The following CEP164 variants were observed in gnomAD, a reference collection of about 807,000 sequenced individuals.
CEP164 encodes the protein centrosomal protein of 164 kDa.
In CEP164, 162 loss-of-function variants were observed where a neutral mutation model predicts 182.7. The ratio of observed to expected loss-of-function variants is 0.89; its 90% CI spans 0.78 to 1.01. CEP164 has a LOEUF of 1.01. CEP164 is among the 50% of genes least tolerant of loss of function. The pLI is 0.00. For synonymous variants in CEP164, 661 were observed against 690.0 expected (o/e 0.96, Z 0.66); for missense variants, 1,735 against 1,790.4 (o/e 0.97, Z 0.56).
chr11:117,337,862 G>A (rs1233741928), intron 2 of CEP164, among the ~76,000 whole-genome samples: 1 of 151,802 alleles, frequency 6.6e-6, no homozygotes, highest in Non-Finnish European at 1.5e-5. Flanking sequence ...TCTTTAGCAC[G>A]GTCTGCAAGG....
intron 5 of CEP164, chr11:117,359,429 C>T: frequency 1.0e-6 from 1 of 985,450 alleles, no homozygotes; most frequent in Non-Finnish European, 1.2e-6. Flanking sequence ...TGTTCTACAA[C>T]AGGCCAGATG....
intron 27 of CEP164, 150 bp from the exon 28 acceptor site, chr11:117,407,775 C>G (rs186607520): frequency 5.2e-5 from 29 of 561,648 alleles, no homozygotes; most frequent in Non-Finnish European, 7.2e-5. Flanking sequence ...GTAATTCTTA[C>G]GACCCTGTGA....
chr11:117,410,589 G>T (rs1292714196), intron 30 of CEP164: 3 of 428,116 alleles, frequency 7.0e-6, no homozygotes, highest in Non-Finnish European at 1.3e-5. Context: ...ATTATGAAAA[G>T]CCATAAAACA....
chr11:117,382,813 C>T lies in CEP164; in HGVS notation c.1595C>T (p.Pro532Leu), dbSNP rs1362079800. Residue 532 changes from proline to leucine, a missense_variant, in exon 14 of 33, where the codon CCA (proline) becomes CTA (leucine). Transcript: ENST00000278935. ...CTATCAAGGGAGCAGGCCCCAAGCC[C>T]ACCTGCTGCCTGTGAGAAGGGCAAG... ...LSLQREQAPS[P>L]PAACEKGKEQ... 6.2e-7 allele frequency: 1 copy of T among 1,614,126 alleles called. No homozygotes were observed. Among genetic ancestry groups the T allele is most frequent in the Admixed American group, 1.7e-5 (1 of 60,022 alleles).
At chr11:117,397,960 T>C (rs2045690849) in intron 27 of CEP164, among the ~76,000 whole-genome samples, 1 of 152,164 alleles carries the variant, frequency 6.6e-6, no homozygotes, top group Non-Finnish European at 1.5e-5. Context: ...TTAACTCATT[T>C]CAGCATTAAC....
At chr11:117,365,427 T>C (rs1431638530) in intron 8 of CEP164, among the ~76,000 whole-genome samples, 1 of 152,200 alleles carries the variant, frequency 6.6e-6, no homozygotes, top group Admixed American at 6.5e-5. Flanking sequence ...AGTGGGTACT[T>C]GGTCCCTGCT....
In CEP164 at chr11:117,390,914, T is replaced by C. The variant is rs2044562941; in HGVS notation, c.2066+6T>C. On this transcript the variant is annotated splice_donor_region_variant and intron_variant, in intron 16 of 32. Transcript: ENST00000278935. ...GCAGATGAGGACCAAATCAGGTAAG[T>C]GTGTGCTTACCTGTGAGCTGCCCAG... 10 of 1,613,578 alleles carry C rather than the reference T, an allele frequency of 6.2e-6. No homozygotes were observed. Among genetic ancestry groups the C allele is most frequent in the African/African-American group, 1.3e-5 (1 of 74,844 alleles).
chr11:117,387,375 A>G lies in CEP164; in HGVS notation c.1897A>G (p.Ile633Val). 1 of 1,614,068 alleles carries G rather than the reference A, an allele frequency of 6.2e-7. No homozygotes were observed. Among genetic ancestry groups the G allele is most frequent in the Non-Finnish European group, 8.5e-7 (1 of 1,180,006 alleles). The change falls in exon 15 of 33, where the codon ATC (isoleucine) becomes GTC (valine). Residue 633 changes from isoleucine to valine, a missense_variant. Transcript: ENST00000278935. ...GCTGTGCCAAGAGGAGGAAGAGGAG[A>G]TCCTCCGGCTTCACCAGCAGAAAGA... ...EKLCQEEEEE[I>V]LRLHQQKEQS...
At chr11:117,358,008 A>C (rs1242533387) in intron 5 of CEP164, among the ~76,000 whole-genome samples, 1 of 152,146 alleles carries the variant, frequency 6.6e-6, no homozygotes, top group Non-Finnish European at 1.5e-5. Flanking sequence ...GATCAATCTG[A>C]ATTTCTCCAG....
intron 5 of CEP164, 93 bp from the exon 6 acceptor site, chr11:117,361,742 C>T: frequency 7.5e-7 from 1 of 1,334,476 alleles, no homozygotes; most frequent in Non-Finnish European, 1.1e-6. Flanking sequence ...TTTGAGCGTG[C>T]AGGATTTAGA....
In CEP164 at chr11:117,351,486, A is replaced by G. The variant is rs145114233; in HGVS notation, c.195-304A>G. ...ATAAAACCAAGTTTGTTCCTACACT[A>G]GTCCAGCCTGCATTCTCAAGAACTC... On this transcript the variant is annotated intron_variant, in intron 4 of 32. Coordinates refer to ENST00000278935, the MANE Select transcript of CEP164 (RefSeq NM_014956.5). 7.6e-4 allele frequency among the ~76,000 whole-genome samples: 116 copies of G among 152,330 alleles called. 1 individual carries two copies. The highest frequency in any genetic ancestry group is 2.7e-3 in the African/African-American group (111 of 41,576).
chr11:117,359,280 T>C (rs2040663977), intron 5 of CEP164, among the ~76,000 whole-genome samples: 1 of 152,180 alleles, frequency 6.6e-6, no homozygotes, highest in African/African-American at 2.4e-5. Context: ...CTCCGTTTGC[T>C]CGTATGGGGA....
chr11:117,346,378 C>T (rs1453614363), intron 4 of CEP164, among the ~76,000 whole-genome samples: 2 of 152,018 alleles, frequency 1.3e-5, no homozygotes, highest in African/African-American at 4.8e-5. Flanking sequence ...TCTGCCTCAG[C>T]CTCCTGAGTA....
At chr11:117,402,042 C>G (rs890552901) in intron 27 of CEP164, among the ~76,000 whole-genome samples, 1 of 152,072 alleles carries the variant, frequency 6.6e-6, no homozygotes, top group Non-Finnish European at 1.5e-5. Context: ...TCTTGCTTCT[C>G]TACTTCTTTT....
chr11:117,408,033 G>A lies in CEP164; in HGVS notation c.3609+1G>A. 6.3e-7 allele frequency: 1 copy of A among 1,577,262 alleles called. No homozygotes were observed. Among genetic ancestry groups the A allele is most frequent in the African/African-American group, 1.3e-5 (1 of 74,488 alleles). On this transcript the variant is annotated splice_donor_variant, in intron 28 of 32. Coordinates refer to ENST00000278935, the MANE Select transcript of CEP164 (RefSeq NM_014956.5). LOFTEE classifies it high-confidence loss of function. The stretch of plus-strand genomic sequence containing the variant: ...GTTGGAGTCCTCTCTTTGGGAAGAG[G>A]TGCAGCCCCATGTCCACATAGTCCA...
rs373837635 is a variant in CEP164, at chr11:117,395,551, C to T, written c.2918C>T (p.Ala973Val). The stretch of plus-strand genomic sequence containing the variant: ...TATCTTTCCTTTTGCCCCTAGGAAG[C>T]CACAGCCACCCATCAGCAGCTGGAG... ...QRQVALKSEE[A>V]TATHQQLEEA... Residue 973 changes from alanine (A) to valine (V), a missense_variant, in exon 24 of 33, where the codon GCC (alanine) becomes GTC (valine). By Grantham distance (64) the Ala-to-Val change is moderately conservative. Transcript: ENST00000278935. The T allele has an allele frequency of 1.2e-6, 2 of 1,609,328 alleles. No individual in the cohort carries two copies. The highest frequency in any genetic ancestry group is 8.5e-7 in the Non-Finnish European group (1 of 1,177,772).
At chr11:117,366,548 C>A (rs557489159) in intron 8 of CEP164, among the ~76,000 whole-genome samples, 2 of 152,302 alleles carry the variant, frequency 1.3e-5, no homozygotes, top group East Asian at 3.9e-4. Context: ...CTTTATGTGG[C>A]CATGTGGTGC....
rs766181500 is a variant in CEP164, at chr11:117,396,057, C to T, written c.3093C>T (p.Ser1031=). Residue 1031 remains serine (S), a synonymous_variant, in exon 25 of 33, where the codon AGC becomes AGT. Coordinates refer to ENST00000278935, the MANE Select transcript of CEP164 (RefSeq NM_014956.5). ...TCACTCATCTTTCCTTCCACAGCAG[C>T]CTGGAGGCTGAAGCTCAAAAGAAGC... The part of the protein sequence containing the change: ...QSQQLQKHFS[S]LEAEAQKKQH... 3.1e-6 allele frequency: 5 copies of T among 1,614,032 alleles called. No individual in the cohort carries two copies. The highest frequency in any genetic ancestry group is 3.3e-5 in the Admixed American group (2 of 60,010).
intron 5 of CEP164, among the ~76,000 whole-genome samples, chr11:117,360,979 G>C (rs1243741133): frequency 2.1e-5 from 3 of 145,366 alleles, no homozygotes; most frequent in African/African-American, 5.1e-5. Flanking sequence ...CTGTCGCTCA[G>C]GCTGGAGTGC....
Sources: allele counts gnomAD v4.1 joint callset (sites outside exome capture counted in the v4.1 genomes callset), GRCh38; gene constraint gnomAD v4.1.1; transcripts MANE v1.5; gene names NCBI Gene and HGNC (gene_info 2026-07-23, HGNC 2026-07-21).